PID1: variants seen among roughly 807,000 people sequenced by gnomAD.
PID1 encodes the protein phosphotyrosine interaction domain containing 1.
PID1 carries 10 observed loss-of-function variants against 19.1 expected under a neutral mutation model. The ratio of observed to expected loss-of-function variants is 0.52; its 90% confidence interval spans 0.32 to 0.89. The LOEUF (loss-of-function observed/expected upper bound fraction) is 0.89. Among genes scored for constraint, PID1 ranks in the 40% least tolerant of loss-of-function variants. The pLI is 0.03. For missense variants in PID1, 248 were observed against 285.3 expected, an observed-to-expected ratio of 0.87 and a Z score of 0.94; for synonymous variants, 130 against 116.0, an observed-to-expected ratio of 1.12 and a Z score of -0.78.
chr2:229,244,345 T>C (rs2106278778), intron 1 of PID1, among the ~76,000 whole-genome samples: 1 of 152,230 alleles, frequency 6.6e-6, no homozygotes, highest in Non-Finnish European at 1.5e-5. Context: ...CTTATCGTCA[T>C]CCAAACAACT....
At chr2:229,060,817 C>G (rs1694198037) in intron 2 of PID1, among the ~76,000 whole-genome samples, 1 of 151,868 alleles carries the variant, frequency 6.6e-6, no homozygotes, top group Non-Finnish European at 1.5e-5. Context: ...GCCATTTTAC[C>G]AGGTTATATT....
chr2:229,102,317 A>T (rs1344051918), intron 2 of PID1, among the ~76,000 whole-genome samples: 3 of 145,280 alleles, frequency 2.1e-5, no homozygotes, highest in African/African-American at 7.6e-5. Context: ...CATCACAAAT[A>T]AAAAAAAAAA....
At chr2:229,106,989 C>T (rs906028173) in intron 2 of PID1, among the ~76,000 whole-genome samples, 2 of 151,858 alleles carry the variant, frequency 1.3e-5, no homozygotes, top group East Asian at 3.9e-4. Context: ...TTTAGGGTGG[C>T]TTCTAAGTCC....
Position 229,129,413 on chromosome 2 carries a change from C to CAAAA in PID1, c.177+26401_177+26404dup, listed in dbSNP as rs370442954. On this transcript the variant is annotated intron_variant, in intron 2 of 2. Transcript: ENST00000392055. The stretch of plus-strand genomic sequence containing the variant: ...TGGGCAACAGAGCAAGACTCCATCT[C>CAAAA]AAAAAAAAAAAAAAAAAGAGAGAGA... Among the ~76,000 whole-genome samples the CAAAA allele has an allele frequency of 1.0e-3, 111 of 111,064 alleles. 4 individuals are homozygous for CAAAA. The highest frequency in any genetic ancestry group is 5.5e-3 in the East Asian group (19 of 3,448). The allele number at this position is 111,064 out of a possible 152,430, so 72.9% of individuals were successfully genotyped here. A position where few individuals can be genotyped will look rare whatever the true frequency, so the allele number is the denominator to read the frequency against.
intron 2 of PID1, among the ~76,000 whole-genome samples, chr2:229,122,507 A>ACCCTGCAAGTGTGTGTCC (rs1268414608): frequency 6.6e-6 from 1 of 151,966 alleles, no homozygotes; most frequent in Non-Finnish European, 1.5e-5. Context: ...ACAGCGCCTG[A>ACCCTGCAAGTGTGTGTCC]CCCTGCAAGT....
chr2:229,139,115 G>GAGAA (rs796148800), intron 2 of PID1, among the ~76,000 whole-genome samples: 5,659 of 47,452 alleles, frequency 0.12, 766 homozygotes, highest in Admixed American at 0.15. Context: ...AAGAAAGAAA[G>GAGAA]AGAAAGAAAG....
chr2:229,145,402 T>C (rs1161235976), intron 2 of PID1, among the ~76,000 whole-genome samples: 1 of 151,716 alleles, frequency 6.6e-6, no homozygotes, highest in Non-Finnish European at 1.5e-5. Context: ...ACAAATGAAG[T>C]CTACCATAGT....
At chr2:229,071,662 A>G (rs575377783) in intron 2 of PID1, among the ~76,000 whole-genome samples, 1 of 152,352 alleles carries the variant, frequency 6.6e-6, no homozygotes, top group Admixed American at 6.5e-5. Context: ...AAACCCCAGG[A>G]TAAAATTTTA....
At chr2:229,261,181 A>G (rs1331179138) in intron 1 of PID1, among the ~76,000 whole-genome samples, 1 of 152,138 alleles carries the variant, frequency 6.6e-6, no homozygotes, top group East Asian at 1.9e-4. Context: ...TGTCTCCCTC[A>G]CAGCCCTCAG....
chr2:229,027,167 T>G (rs932538869), intron 2 of PID1, among the ~76,000 whole-genome samples: 1 of 152,188 alleles, frequency 6.6e-6, no homozygotes, highest in Admixed American at 6.5e-5. Context: ...AATGGTTATA[T>G]TTAGTGGGAC....
At chr2:229,059,339 T>C (rs77391453) in intron 2 of PID1, among the ~76,000 whole-genome samples, 3,540 of 152,334 alleles carry the variant, frequency 0.023, 147 homozygotes, top group African/African-American at 0.082. Context: ...TCTTGACCAA[T>C]ATGAAACATC....
intron 2 of PID1, among the ~76,000 whole-genome samples, chr2:229,129,652 A>G (rs1405869002): frequency 3.9e-5 from 6 of 152,214 alleles, no homozygotes; most frequent in African/African-American, 1.4e-4. Context: ...AAGAGTAGTT[A>G]TGCACAAGTA....
Position 229,142,027 on chromosome 2 carries a change from A to G in PID1, c.177+13791T>C, listed in dbSNP as rs780272552. Among the ~76,000 whole-genome samples, 6 of 152,048 alleles carry G rather than the reference A, an allele frequency of 3.9e-5. 1 individual carries two copies. Among genetic ancestry groups the G allele is most frequent in the Middle Eastern group, 6.8e-3 (2 of 294 alleles). Reference sequence around the variant, plus strand: ...AATGAAAAAAAAAATCCCCCTTCATATTTAAAAGAGGATTTTATGAAATTT... The same window carrying G: ...AATGAAAAAAAAAATCCCCCTTCATGTTTAAAAGAGGATTTTATGAAATTT... On this transcript the variant is annotated intron_variant, in intron 2 of 2. Transcript: ENST00000392055.
chr2:229,207,936 G>A (rs956861355), intron 1 of PID1, among the ~76,000 whole-genome samples: 2 of 152,072 alleles, frequency 1.3e-5, no homozygotes, highest in Non-Finnish European at 2.9e-5. Flanking sequence ...CAGGATGAGA[G>A]GATTAACTCA....
chr2:229,157,798 T>C (rs924148073), intron 1 of PID1, among the ~76,000 whole-genome samples: 6 of 152,188 alleles, frequency 3.9e-5, no homozygotes, highest in African/African-American at 1.4e-4. Flanking sequence ...TCACATCCTT[T>C]CCCGCTTGTA....
At chr2:229,114,174 AACACAC>A (rs151089843) in intron 2 of PID1, among the ~76,000 whole-genome samples, 47 of 124,656 alleles carry the variant, frequency 3.8e-4, no homozygotes, top group African/African-American at 1.0e-3. Context: ...TCTCCACACA[AACACAC>A]ACACACACAC....
At chr2:229,043,194 C>T (rs11897633) in intron 2 of PID1, among the ~76,000 whole-genome samples, 9,379 of 151,824 alleles carry the variant, frequency 0.062, 496 homozygotes, top group African/African-American at 0.14. Flanking sequence ...TTAGTAGGGA[C>T]GAGGTTTTGC....
At chr2:229,211,340 A>G (rs1691730132) in intron 1 of PID1, among the ~76,000 whole-genome samples, 1 of 152,002 alleles carries the variant, frequency 6.6e-6, no homozygotes, top group South Asian at 2.1e-4. Context: ...TTGTTCATTC[A>G]GCACTTTGAA....
At chr2:229,085,250 C>A (rs1694742525) in intron 2 of PID1, among the ~76,000 whole-genome samples, 1 of 149,968 alleles carries the variant, frequency 6.7e-6, no homozygotes. Flanking sequence ...AGAGCAAGTA[C>A]AGGTATTGTC....
Sources: allele counts gnomAD v4.1 joint callset (sites outside exome capture counted in the v4.1 genomes callset), GRCh38; gene constraint gnomAD v4.1.1; transcripts MANE v1.5; gene names NCBI Gene and HGNC (gene_info 2026-07-23, HGNC 2026-07-21).